The following TMEM255A variants were observed in gnomAD, a reference collection of about 807,000 sequenced individuals.
TMEM255A encodes the protein family with sequence similarity 70, member A.
TMEM255A carries 14 observed loss-of-function variants against 23.5 expected under a neutral mutation model. The observed-to-expected ratio is 0.60, with a 90% CI of 0.39 to 0.93. The LOEUF is 0.93. Among genes scored for constraint, TMEM255A ranks in the 40% least tolerant of loss-of-function variants. TMEM255A has a pLI of 0.00. For synonymous variants in TMEM255A, 104 were observed against 100.3 expected (o/e 1.04, Z -0.22); for missense variants, 233 against 261.7 (o/e 0.89, Z 0.76).
At chrX:120,309,292 AGACTGGG>A (rs1347629960) in intron 1 of TMEM255A, among the ~76,000 whole-genome samples, 1 of 113,261 alleles carries the variant, frequency 8.8e-6, no homozygotes, top group African/African-American at 3.2e-5. Flanking sequence ...CGCAGTGTGG[AGACTGGG>A]CTGGGCGAAG....
intron 6 of TMEM255A, among the ~76,000 whole-genome samples, chrX:120,284,819 A>G (rs1177770877): frequency 2.7e-5 from 3 of 111,057 alleles, no homozygotes; most frequent in African/African-American, 9.9e-5. Flanking sequence ...TCCTATACAT[A>G]TTATTTTCAA....
intron 7 of TMEM255A, chrX:120,273,281 G>T: frequency 3.7e-6 from 1 of 271,602 alleles, no homozygotes; most frequent in Non-Finnish European, 7.1e-6. Context: ...CAATTTAGAA[G>T]TTGTTTGCAA....
chrX:120,258,702 G>A lies in TMEM255A; in HGVS notation c.*2168C>T, dbSNP rs781907370. ...TTGAAACATCACAAAAGCAGTCTGA[G>A]TTTTCAACATGGCAGTGATACAGAT... On this transcript the variant is annotated 3_prime_UTR_variant, in exon 9 of 9. Transcript: ENST00000371369. 64 of 112,569 alleles carry A rather than the reference G, an allele frequency of 5.7e-4. 1 individual carries two copies. The highest frequency in any genetic ancestry group is 5.3e-3 in the Admixed American group (56 of 10,529). The allele number at this position is 112,569 out of a possible 1,213,427, so 9.3% of individuals were successfully genotyped here. A position where few individuals can be genotyped will look rare whatever the true frequency, so the allele number is the denominator to read the frequency against.
intron 5 of TMEM255A, among the ~76,000 whole-genome samples, chrX:120,286,651 C>T (rs1556021862): frequency 8.9e-6 from 1 of 111,812 alleles, no homozygotes; most frequent in African/African-American, 3.3e-5. Flanking sequence ...GGCTGACAGT[C>T]CCAGCCTCCC....
Position 120,260,976 on chromosome X carries a change from T to G in TMEM255A, c.872A>C (p.Gln291Pro), listed in dbSNP as rs1569330703. 8.4e-7 allele frequency: 1 copy of G among 1,197,303 alleles called. No homozygotes were observed. The highest frequency in any genetic ancestry group is 1.1e-6 in the Non-Finnish European group (1 of 890,900). Residue 291 changes from glutamine (Q) to proline (P), a missense_variant, in exon 9 of 9, where the codon CAG becomes CCG. Gln to Pro is a moderately conservative substitution (Grantham distance 76, BLOSUM62 -1). Coordinates refer to ENST00000371369, the MANE Select transcript of TMEM255A (RefSeq NM_001104544.3). ...SPPSGLSDEP[Q>P]SASPSPSYMW... The stretch of plus-strand genomic sequence containing the variant: ...GTAGCTGGGTGAGGGAGAGGCAGAC[T>G]GGGGCTCATCAGAAAGTCCAGAGGG...
intron 1 of TMEM255A, among the ~76,000 whole-genome samples, chrX:120,310,745 C>A (rs2058095423): frequency 1.2e-5 from 1 of 81,356 alleles, no homozygotes; most frequent in African/African-American, 4.6e-5. Context: ...CCCCCCCAAT[C>A]AGCGAGGTGC....
chrX:120,289,562 A>T (rs2057900118), intron 4 of TMEM255A, among the ~76,000 whole-genome samples: 1 of 111,700 alleles, frequency 9.0e-6, no homozygotes, highest in Non-Finnish European at 1.9e-5. Context: ...CCCATCAAAC[A>T]CTCTGGTGGG....
downstream of TMEM255A, chrX:120,257,180 C>T (rs782590085): frequency 1.2e-4 from 15 of 122,638 alleles, no homozygotes; most frequent in Non-Finnish European, 2.6e-4. Flanking sequence ...TAAACTAACC[C>T]CTGGGAAATT....
At chrX:120,253,829 A>G, downstream of TMEM255A, 1 of 1,211,219 alleles carries the variant, frequency 8.3e-7, no homozygotes, top group Non-Finnish European at 1.1e-6. Flanking sequence ...CTGAGCCTTT[A>G]CCTCCTGATT....
At chrX:120,294,091 G>A (rs1556023543) in intron 2 of TMEM255A, 40 bp from the exon 3 acceptor site, 1 of 1,015,302 alleles carries the variant, frequency 9.8e-7, no homozygotes. Flanking sequence ...TGGGATGACA[G>A]TCAGGCTGAC....
chrX:120,292,128 A>C (rs1275646192), intron 3 of TMEM255A, among the ~76,000 whole-genome samples: 1 of 111,786 alleles, frequency 8.9e-6, no homozygotes, highest in Non-Finnish European at 1.9e-5. Flanking sequence ...AGTGTGAGCC[A>C]CTATGCACAG....
intron 4 of TMEM255A, among the ~76,000 whole-genome samples, chrX:120,288,553 T>C (rs2057892849): frequency 8.9e-6 from 1 of 112,346 alleles, no homozygotes; most frequent in African/African-American, 3.2e-5. Context: ...CCAAGTGCCC[T>C]ACATGAAGAC....
At chrX:120,270,049 A>G (rs2057745678) in intron 7 of TMEM255A, among the ~76,000 whole-genome samples, 1 of 111,564 alleles carries the variant, frequency 9.0e-6, no homozygotes, top group South Asian at 3.8e-4. Context: ...ACATGAGAGT[A>G]AGATTAAATG....
chrX:120,296,834 TATATAATATATATC>T, intron 2 of TMEM255A, among the ~76,000 whole-genome samples: 1 of 2,042 alleles, frequency 4.9e-4, no homozygotes, highest in Non-Finnish European at 7.4e-4. Context: ...ATATATATGA[TATATAATATATATC>T]ATATATAATA....
chrX:120,307,997 C>T (rs1181058726), intron 1 of TMEM255A, among the ~76,000 whole-genome samples: 1 of 112,048 alleles, frequency 8.9e-6, no homozygotes, highest in Non-Finnish European at 1.9e-5. Context: ...TTTCTCTCAT[C>T]CGGGTATTCC....
downstream of TMEM255A, chrX:120,257,672 A>T (rs1295633293): frequency 1.6e-5 from 2 of 123,361 alleles, no homozygotes; most frequent in Non-Finnish European, 3.8e-5. Context: ...GAAGACTCTT[A>T]CTTGCATGTG....
At chrX:120,258,115 C>T (rs1486046460), downstream of TMEM255A, 1 of 123,183 alleles carries the variant, frequency 8.1e-6, no homozygotes, top group African/African-American at 3.2e-5. Flanking sequence ...AATAATGCCG[C>T]ATTTTTCCCC....
rs782561351 is a variant in TMEM255A at position 120,287,153 on chromosome X, C to G, written c.423+1G>C. The G allele has an allele frequency of 5.8e-6, 7 of 1,208,753 alleles. No homozygotes were observed. The highest frequency in any genetic ancestry group is 7.8e-6 in the Non-Finnish European group (7 of 892,635). On this transcript the variant is annotated splice_donor_variant, in intron 5 of 8. Transcript: ENST00000371369. LOFTEE classifies it high-confidence loss of function. Reference sequence around the variant, plus strand: ...AGACATGCAGCCTCATTCTGGCTCACCTCCTCAGCTTCCTTCTGTGATGTC... The same window carrying G: ...AGACATGCAGCCTCATTCTGGCTCAGCTCCTCAGCTTCCTTCTGTGATGTC...
At chrX:120,299,219 C>T (rs1344579618) in intron 2 of TMEM255A, among the ~76,000 whole-genome samples, 1 of 112,203 alleles carries the variant, frequency 8.9e-6, no homozygotes, top group Non-Finnish European at 1.9e-5. Flanking sequence ...ACAAGGCTCA[C>T]TCTAGCCTCG....
Sources: gnomAD v4.1 joint callset for allele counts (sites outside exome capture counted in the v4.1 genomes callset) on GRCh38, gnomAD v4.1.1 for gene constraint, MANE v1.5 for transcripts, NCBI Gene and HGNC (gene_info 2026-07-23, HGNC 2026-07-21) for gene names.